Variants in SLC36A1 observed in about 807,000 individuals in gnomAD.
SLC36A1 encodes the protein proton-coupled amino acid transporter 1.
Under a neutral mutation model 47.5 loss-of-function variants are expected in SLC36A1, and 30 were observed. That is an observed-to-expected ratio of 0.63 (90% CI 0.47 to 0.86). SLC36A1 has a LOEUF of 0.86. Among genes scored for constraint, SLC36A1 ranks in the 40% least tolerant of loss-of-function variants. The probability of loss-of-function intolerance (pLI) is 0.00; values close to 1 mark genes in which losing one functional copy is unlikely to be tolerated. For synonymous variants in SLC36A1, 255 were observed against 249.7 expected (o/e 1.02, Z -0.20); for missense variants, 517 against 606.0 (o/e 0.85, Z 1.54).
In SLC36A1 at chr5:151,463,541, C is replaced by T; in HGVS notation, c.144-12C>T. ...TCATGGTTATCATTTCCTTGGCTGTCTTCCACTTCAGATGGTTCCAGACCT... is the reference window on the plus strand; with the variant it reads ...TCATGGTTATCATTTCCTTGGCTGTTTTCCACTTCAGATGGTTCCAGACCT... On this transcript the variant is annotated splice_polypyrimidine_tract_variant and intron_variant, in intron 2 of 10. Transcript: ENST00000243389. 1.2e-6 allele frequency: 2 copies of T among 1,604,354 alleles called. No individual in the cohort carries two copies. The highest frequency in any genetic ancestry group is 4.5e-5 in the East Asian group (2 of 44,852).
intron 10 of SLC36A1, among the ~76,000 whole-genome samples, chr5:151,481,850 G>A (rs1561782267): frequency 6.6e-6 from 1 of 152,164 alleles, no homozygotes; most frequent in Non-Finnish European, 1.5e-5. Flanking sequence ...TGGAAATGCG[G>A]ACTTAGCAGG....
intron 1 of SLC36A1, among the ~76,000 whole-genome samples, chr5:151,457,869 A>G (rs1206423794): frequency 2.3e-5 from 3 of 132,074 alleles, no homozygotes; most frequent in East Asian, 2.5e-4. Flanking sequence ...TTTTTTTGAG[A>G]TGGAGTTTCG....
the SLC36A1 span, among the ~76,000 whole-genome samples, chr5:151,508,249 G>A: frequency 1.3e-5 from 2 of 152,218 alleles, no homozygotes; most frequent in Non-Finnish European, 2.9e-5. Context: ...TGCCCGAAAT[G>A]TCACTACCAG....
the SLC36A1 span, among the ~76,000 whole-genome samples, chr5:151,411,662 A>G: frequency 6.9e-6 from 1 of 144,898 alleles, no homozygotes; most frequent in Admixed American, 6.8e-5. Context: ...TGACTGCCTC[A>G]GGATCCTTTT....
At chr5:151,421,382 C>T in the SLC36A1 span, among the ~76,000 whole-genome samples, 2 of 151,426 alleles carry the variant, frequency 1.3e-5, no homozygotes, top group Non-Finnish European at 2.9e-5. Context: ...GCTGGAAATA[C>T]AGGCATGAGC....
chr5:151,532,079 C>T, the SLC36A1 span: 10 of 1,423,510 alleles, frequency 7.0e-6, no homozygotes, highest in East Asian at 4.6e-5. Flanking sequence ...CCCATGAAGG[C>T]GGACAAGCTG....
chr5:151,372,913 A>G, the SLC36A1 span, among the ~76,000 whole-genome samples: 24,188 of 152,124 alleles, frequency 0.16, 2,180 homozygotes, highest in East Asian at 0.37. Flanking sequence ...TTAACATATG[A>G]GTAATTGGAA....
intron 2 of SLC36A1, among the ~76,000 whole-genome samples, chr5:151,460,273 C>T (rs756329012): frequency 7.4e-6 from 1 of 135,794 alleles, no homozygotes; most frequent in Non-Finnish European, 1.6e-5. Context: ...GTTTTTGCTC[C>T]TTTTTGATCT....
At chr5:151,472,804 AT>A (rs1363150115) in intron 7 of SLC36A1, among the ~76,000 whole-genome samples, 1 of 152,126 alleles carries the variant, frequency 6.6e-6, no homozygotes, top group African/African-American at 2.4e-5. Context: ...TAAAATTAAA[AT>A]TTTTTCTCAC....
the SLC36A1 span, among the ~76,000 whole-genome samples, chr5:151,531,300 A>C: frequency 1.3e-5 from 2 of 152,136 alleles, no homozygotes; most frequent in African/African-American, 4.8e-5. This position sits in a 1 kb window ranked among gnomAD's most constrained non-coding sequence, Gnocchi z 5.7. Flanking sequence ...GAGACCATGA[A>C]GCCGCTAACT....
the SLC36A1 span, chr5:151,507,611 C>T: frequency 6.6e-7 from 1 of 1,514,982 alleles, no homozygotes; most frequent in South Asian, 1.2e-5. Context: ...CCATTTCACA[C>T]CTGCGGAGAC....
chr5:151,388,078 T>A, the SLC36A1 span, among the ~76,000 whole-genome samples: 2 of 152,162 alleles, frequency 1.3e-5, no homozygotes, highest in Admixed American at 1.3e-4. Context: ...AGAACCCCCT[T>A]CCCTTTCTAG....
upstream of SLC36A1, among the ~76,000 whole-genome samples, chr5:151,443,227 A>T (rs1554106429): frequency 6.6e-6 from 1 of 152,016 alleles, no homozygotes; most frequent in African/African-American, 2.4e-5. Flanking sequence ...GTTTTTTTTA[A>T]AAAAAGAAAC....
Position 151,479,504 on chromosome 5 carries a change from A to ATT in SLC36A1, c.1159+16_1159+17insTT. On this transcript the variant is annotated intron_variant, in intron 10 of 10. Coordinates refer to ENST00000243389, the MANE Select transcript of SLC36A1 (RefSeq NM_078483.4). The stretch of plus-strand genomic sequence containing the variant: ...CTGCCTGACATGTGAGTAGAAGATG[A>ATT]TAATTGCCTTGCTTGTTTTTCCCTA... 5 of 1,604,986 alleles carry ATT rather than the reference A, an allele frequency of 3.1e-6. No homozygotes were observed. The highest frequency in any genetic ancestry group is 4.3e-6 in the Non-Finnish European group (5 of 1,173,042).
intron 2 of SLC36A1, among the ~76,000 whole-genome samples, chr5:151,461,930 G>A (rs1191072214): frequency 6.7e-6 from 1 of 149,116 alleles, no homozygotes; most frequent in Non-Finnish European, 1.5e-5. Context: ...GACCTCGAGT[G>A]ATTATATGAG....
the SLC36A1 span, among the ~76,000 whole-genome samples, chr5:151,537,274 T>G: frequency 7.4e-6 from 1 of 134,332 alleles, no homozygotes; most frequent in African/African-American, 2.9e-5. Flanking sequence ...ACGATGGTGG[T>G]GGTGGAGGAG....
chr5:151,528,570 G>A, the SLC36A1 span, among the ~76,000 whole-genome samples: 3 of 152,160 alleles, frequency 2.0e-5, no homozygotes, highest in East Asian at 3.9e-4. Context: ...GGCAATCCAG[G>A]AGAGGAAATA....
Position 151,476,683 on chromosome 5 carries a change from C to A in SLC36A1, c.916C>A (p.Leu306Met), listed in dbSNP as rs755458787. 1 of 1,613,610 alleles carries A rather than the reference C, an allele frequency of 6.2e-7. No individual in the cohort carries two copies. The highest frequency in any genetic ancestry group is 8.5e-7 in the Non-Finnish European group (1 of 1,179,788). Residue 306 changes from leucine (L) to methionine (M), a missense_variant, in exon 9 of 11, where the codon CTG becomes ATG. Transcript: ENST00000243389. ...CATCGTCACCATCCTCTACATCAGC[C>A]TGGGGTGTCTGGGGTACCTGCAATT... ...MVIVTILYISLGCLGYLQFGA... is the reference protein window; with the variant it reads ...MVIVTILYISMGCLGYLQFGA...
the SLC36A1 span, among the ~76,000 whole-genome samples, chr5:151,385,009 A>AGTGTGT: frequency 2.3e-4 from 30 of 128,522 alleles, no homozygotes; most frequent in African/African-American, 8.7e-4. Flanking sequence ...AGAGAGAGAG[A>AGTGTGT]GTGTGTGTGT....
Sources: gnomAD v4.1 joint callset for allele counts (sites outside exome capture counted in the v4.1 genomes callset) on GRCh38, gnomAD v4.1.1 for gene constraint, Gnocchi (gnomAD v3.1) non-coding constraint, MANE v1.5 for transcripts, NCBI Gene and HGNC (gene_info 2026-07-23, HGNC 2026-07-21) for gene names.